PAPPA2: variants seen among roughly 807,000 people sequenced by gnomAD.
The protein encoded by PAPPA2 is pappalysin-2.
In PAPPA2, 86 loss-of-function variants were observed where a neutral mutation model predicts 176.4. That is an observed-to-expected ratio of 0.49 (90% CI 0.41 to 0.58). The LOEUF is 0.58. Ranked by LOEUF, PAPPA2 falls within the 20% of genes least tolerant of loss-of-function variation. PAPPA2 has a pLI of 0.00. For missense variants in PAPPA2, 2,073 were observed against 2,256.9 expected (o/e 0.92, Z 1.65); for synonymous variants, 809 against 852.2 (o/e 0.95, Z 0.88).
intron 1 of PAPPA2, among the ~76,000 whole-genome samples, chr1:176,464,198 A>G (rs1435331789): frequency 1.3e-5 from 2 of 152,336 alleles, no homozygotes; most frequent in Admixed American, 6.5e-5. Context: ...TCTTATGCCT[A>G]TGACCTCATA....
intron 21 of PAPPA2, among the ~76,000 whole-genome samples, chr1:176,825,016 G>T (rs1275513319): frequency 1.3e-5 from 2 of 152,050 alleles, no homozygotes; most frequent in Non-Finnish European, 2.9e-5. Context: ...TGTCCTGTGG[G>T]CCCAGCCTGA....
intron 3 of PAPPA2, among the ~76,000 whole-genome samples, chr1:176,657,211 C>T (rs1658082154): frequency 6.6e-6 from 1 of 151,866 alleles, no homozygotes; most frequent in African/African-American, 2.4e-5. Flanking sequence ...GACATCTATA[C>T]CAAAATCTGT....
At chr1:176,623,758 C>CCTTTCTTTCTTT (rs71129580) in intron 3 of PAPPA2, among the ~76,000 whole-genome samples, 6,226 of 58,854 alleles carry the variant, frequency 0.11, 686 homozygotes, top group East Asian at 0.2. Context: ...TTCCTTCCTT[C>CCTTTCTTTCTTT]CTTTCTTTCT....
intron 12 of PAPPA2, among the ~76,000 whole-genome samples, chr1:176,736,976 A>G (rs1662446790): frequency 6.6e-6 from 1 of 152,046 alleles, no homozygotes; most frequent in African/African-American, 2.4e-5. Context: ...CATTTCAGAA[A>G]ATCATAATTC....
intron 3 of PAPPA2, among the ~76,000 whole-genome samples, chr1:176,663,483 A>C (rs1374387660): frequency 6.6e-6 from 1 of 152,130 alleles, no homozygotes; most frequent in Non-Finnish European, 1.5e-5. Context: ...TCATAATAAA[A>C]TTTATTGAAT....
intron 8 of PAPPA2, among the ~76,000 whole-genome samples, chr1:176,702,225 C>T (rs1660679829): frequency 6.6e-6 from 1 of 152,212 alleles, no homozygotes; most frequent in Non-Finnish European, 1.5e-5. Flanking sequence ...CTGAAGCTTT[C>T]ATCTCCAGTT....
rs1305290503 is a variant in PAPPA2 at position 176,816,156 on chromosome 1, A to G, written c.5202+16024A>G. ...GATTTATTTTCCTTTCACAGTGTATATATATATATATATATATATATATAT... is the reference window on the plus strand; with the variant it reads ...GATTTATTTTCCTTTCACAGTGTATGTATATATATATATATATATATATAT... On this transcript the variant is annotated intron_variant, in intron 21 of 22. Transcript: ENST00000367662. 4.2e-3 allele frequency among the ~76,000 whole-genome samples: 206 copies of G among 48,844 alleles called. 2 individuals carry two copies. Among genetic ancestry groups the G allele is most frequent in the African/African-American group, 5.5e-3 (58 of 10,528 alleles). The allele number at this position is 48,844 out of a possible 152,430, so 32.0% of individuals were successfully genotyped here. A position where few individuals can be genotyped will look rare whatever the true frequency, so the allele number is the denominator to read the frequency against.
At position 176,789,899 on chromosome 1, in the gene PAPPA2, T is replaced by G; in HGVS notation, c.4806T>G (p.Phe1602Leu). The change falls in exon 18 of 23, where the codon TTT becomes TTG. Residue 1602 changes from phenylalanine (F) to leucine (L), a missense_variant. By Grantham distance (22) the Phe-to-Leu change is conservative (BLOSUM62 0). Transcript: ENST00000367662. ...PVVCEPPPPV[F>L]EGMYECTNGF... ...TGTGTGAGCCACCCCCTCCTGTGTT[T>G]GAAGGCATGTATGAATGTACCAATG... 1 of 1,614,174 alleles carries G rather than the reference T, an allele frequency of 6.2e-7. No individual in the cohort carries two copies. Among genetic ancestry groups the G allele is most frequent in the Non-Finnish European group, 8.5e-7 (1 of 1,180,004 alleles).
intron 1 of PAPPA2, among the ~76,000 whole-genome samples, chr1:176,485,196 A>G (rs889737196): frequency 1.3e-5 from 2 of 152,186 alleles, no homozygotes; most frequent in East Asian, 3.8e-4. Context: ...GTAAAAATAT[A>G]AGATAGATTA....
intron 6 of PAPPA2, among the ~76,000 whole-genome samples, chr1:176,692,874 C>A (rs575870530): frequency 6.6e-6 from 1 of 152,296 alleles, no homozygotes; most frequent in East Asian, 1.9e-4. Context: ...ATTTTCCTAC[C>A]TGCCCCACTT....
intron 17 of PAPPA2, among the ~76,000 whole-genome samples, chr1:176,783,033 T>C (rs939051244): frequency 5.9e-5 from 9 of 152,192 alleles, no homozygotes; most frequent in African/African-American, 2.2e-4. Flanking sequence ...CAGTGATGGC[T>C]TTTAAGTTCC....
At chr1:176,466,175 C>A (rs1224673402) in intron 1 of PAPPA2, among the ~76,000 whole-genome samples, 3 of 151,964 alleles carry the variant, frequency 2.0e-5, no homozygotes, top group African/African-American at 7.3e-5. Context: ...CATATAGAAG[C>A]TTAATGAGGT....
At chr1:176,477,772 A>G (rs1323094271) in intron 1 of PAPPA2, among the ~76,000 whole-genome samples, 5 of 108,896 alleles carry the variant, frequency 4.6e-5, no homozygotes, top group Non-Finnish European at 8.9e-5. Context: ...AAAACATTAA[A>G]AAATAAATAA....
chr1:176,684,867 A>G (rs1486227584), intron 4 of PAPPA2, among the ~76,000 whole-genome samples: 13 of 152,200 alleles, frequency 8.5e-5, no homozygotes, highest in Non-Finnish European at 1.5e-4. Flanking sequence ...TGTGTTGTCT[A>G]TGAAGAGAAT....
intron 1 of PAPPA2, among the ~76,000 whole-genome samples, chr1:176,546,480 A>G (rs1650643324): frequency 6.6e-6 from 1 of 152,214 alleles, no homozygotes; most frequent in African/African-American, 2.4e-5. Flanking sequence ...ATAGTCAAAA[A>G]CTTTACCCAA....
intron 14 of PAPPA2, among the ~76,000 whole-genome samples, chr1:176,757,477 A>G (rs922451876): frequency 2.4e-4 from 37 of 152,072 alleles, no homozygotes; most frequent in African/African-American, 7.5e-4. Context: ...GCATTTTTTC[A>G]TATGTCTGTT....
chr1:176,525,275 C>T (rs996072466), intron 1 of PAPPA2, among the ~76,000 whole-genome samples: 5 of 152,184 alleles, frequency 3.3e-5, no homozygotes, highest in Admixed American at 2.0e-4. Context: ...CTTCTGGTTT[C>T]TGACCAGTTC....
chr1:176,637,972 G>T (rs1390000560), intron 3 of PAPPA2, among the ~76,000 whole-genome samples: 1 of 152,020 alleles, frequency 6.6e-6, no homozygotes, highest in African/African-American at 2.4e-5. Context: ...GGGACAACTT[G>T]ATAATTATTA....
At chr1:176,710,219 G>A in intron 11 of PAPPA2, 43 bp downstream of exon 11, 2 of 1,549,144 alleles carry the variant, frequency 1.3e-6, no homozygotes, top group South Asian at 2.3e-5. Flanking sequence ...GCGCAAAATT[G>A]TAAAGTGACT....
Sources: allele counts gnomAD v4.1 joint callset (sites outside exome capture counted in the v4.1 genomes callset), GRCh38; gene constraint gnomAD v4.1.1; transcripts MANE v1.5; gene names NCBI Gene and HGNC (gene_info 2026-07-23, HGNC 2026-07-21).